Variants in RIMKLA observed in about 807,000 individuals in gnomAD.
RIMKLA encodes the protein ribosomal modification protein rimK like family member A, also known as N-acetylaspartylglutamate synthase A.
In RIMKLA, 14 loss-of-function variants were observed where a neutral mutation model predicts 32.7. The observed-to-expected ratio is 0.43, with a 90% CI of 0.28 to 0.67. The LOEUF (loss-of-function observed/expected upper bound fraction) is 0.67, where lower values mean the gene tolerates loss of function less well. Ranked by LOEUF, RIMKLA falls within the 30% of genes least tolerant of loss-of-function variation. RIMKLA has a pLI of 0.18. For missense variants in RIMKLA, 410 were observed against 519.0 expected, an observed-to-expected ratio of 0.79 and a Z score of 2.04; for synonymous variants, 176 against 204.1, an observed-to-expected ratio of 0.86 and a Z score of 1.18.
In RIMKLA at chr1:42,410,126, G is replaced by A. The variant is rs1205028996; in HGVS notation, c.624G>A (p.Gln208=). 1.2e-6 allele frequency: 2 copies of A among 1,614,098 alleles called. No homozygotes were observed. Among genetic ancestry groups the A allele is most frequent in the Non-Finnish European group, 1.7e-6 (2 of 1,180,046 alleles). ...TCCGGGTGGTGGTGGTAGGGGGCCA[G>A]GTCATAGGCTCTATGCTTCGCTGCT... The part of the protein sequence containing the change: ...KDIRVVVVGG[Q]VIGSMLRCST... The change falls in exon 4 of 5, where the codon CAG becomes CAA. Residue 208 remains glutamine (Q), a synonymous_variant. Transcript: ENST00000431473.
At chr1:42,402,207 C>T (rs534738726) in intron 2 of RIMKLA, among the ~76,000 whole-genome samples, 1 of 152,138 alleles carries the variant, frequency 6.6e-6, no homozygotes, top group South Asian at 2.1e-4. Context: ...TAATGCCACT[C>T]CCCCACCCTG....
In RIMKLA at chr1:42,399,512, T is replaced by TGC; in HGVS notation, c.273_274insCG (p.Glu92ArgfsTer16). 6.2e-7 allele frequency: 1 copy of TGC among 1,613,466 alleles called. No homozygotes were observed. The highest frequency in any genetic ancestry group is 8.5e-7 in the Non-Finnish European group (1 of 1,179,776). On this transcript the variant is annotated frameshift_variant, in exon 2 of 5. Coordinates refer to ENST00000431473, the MANE Select transcript of RIMKLA (RefSeq NM_173642.4). LOFTEE classifies it high-confidence loss of function. Reference sequence around the variant, plus strand: ...AGTGACATCACTGTCCTGCGACACCTGGAGAAGCTGGGCTGCCGGTTGGTC... The same window carrying TGC: ...AGTGACATCACTGTCCTGCGACACCTGCGGAGAAGCTGGGCTGCCGGTTGGTC...
intron 1 of RIMKLA, among the ~76,000 whole-genome samples, chr1:42,388,532 T>A (rs955919745): frequency 4.0e-5 from 6 of 150,458 alleles, no homozygotes; most frequent in Non-Finnish European, 7.4e-5. Flanking sequence ...TTTTTTTTTT[T>A]TTTTTGAGAT....
At chr1:42,394,401 G>A (rs898212815) in intron 1 of RIMKLA, among the ~76,000 whole-genome samples, 10 of 152,064 alleles carry the variant, frequency 6.6e-5, no homozygotes, top group Non-Finnish European at 1.3e-4. Context: ...ATTATGTATC[G>A]GCTTTGTGTA....
intron 1 of RIMKLA, among the ~76,000 whole-genome samples, chr1:42,397,468 A>G (rs1643057272): frequency 6.6e-6 from 1 of 152,352 alleles, no homozygotes; most frequent in Admixed American, 6.5e-5. Context: ...TATGCCTGTA[A>G]TCGCAGCACT....
intron 1 of RIMKLA, among the ~76,000 whole-genome samples, chr1:42,396,062 C>G (rs576036142): frequency 3.3e-5 from 5 of 151,824 alleles, no homozygotes; most frequent in African/African-American, 7.2e-5. Flanking sequence ...TGATGAAACC[C>G]TCTCTACTAA....
In RIMKLA at chr1:42,380,865, C is replaced by A; in HGVS notation, c.-70C>A. 5 of 1,102,160 alleles carry A rather than the reference C, an allele frequency of 4.5e-6. No homozygotes were observed. The highest frequency in any genetic ancestry group is 4.4e-5 in the South Asian group (1 of 22,574). The allele number at this position is 1,102,160 out of a possible 1,614,324, so 68.3% of individuals were successfully genotyped here. ...CCCGGACGCCGGCCGCCCCTCCGCT[C>A]GCCCTACTGAGCGAGCGGCCCGGGG... On this transcript the variant is annotated 5_prime_UTR_variant, in exon 1 of 5. Coordinates refer to ENST00000431473, the MANE Select transcript of RIMKLA (RefSeq NM_173642.4).
chr1:42,421,610 G>A lies in RIMKLA; in HGVS notation c.*6636G>A, dbSNP rs930563429. 6 of 152,228 alleles carry A rather than the reference G, an allele frequency of 3.9e-5. No homozygotes were observed. The highest frequency in any genetic ancestry group is 8.8e-5 in the Non-Finnish European group (6 of 68,120). 9.4% of individuals were successfully genotyped at this position (152,228 alleles called of 1,614,324 possible). On this transcript the variant is annotated 3_prime_UTR_variant, in exon 5 of 5. Coordinates refer to ENST00000431473, the MANE Select transcript of RIMKLA (RefSeq NM_173642.4). The surrounding 1 kb of genome is among the most constrained non-coding windows in gnomAD (Gnocchi z 4.6). Reference sequence around the variant, plus strand: ...TTAATCATTCTGCAGAGCTGATAACGGTCACTGTGGAGGCAGGACTAGGCG... The same window carrying A: ...TTAATCATTCTGCAGAGCTGATAACAGTCACTGTGGAGGCAGGACTAGGCG...
At chr1:42,386,504 A>G (rs114686502) in intron 1 of RIMKLA, among the ~76,000 whole-genome samples, 3,498 of 152,068 alleles carry the variant, frequency 0.023, 57 homozygotes, top group Non-Finnish European at 0.037. Flanking sequence ...TTTTTTGGTT[A>G]TAATTGGGTT....
intron 1 of RIMKLA, among the ~76,000 whole-genome samples, chr1:42,385,829 T>TTCC (rs1308213992): frequency 2.2e-4 from 16 of 72,888 alleles, no homozygotes; most frequent in Middle Eastern, 9.4e-3. Flanking sequence ...CCTTCCTTCC[T>TTCC]TTCTTTCTTT....
chr1:42,406,134 C>G (rs1001527633), intron 3 of RIMKLA, among the ~76,000 whole-genome samples: 1 of 152,290 alleles, frequency 6.6e-6, no homozygotes, highest in Admixed American at 6.5e-5. Flanking sequence ...ACAAAAGTTC[C>G]TGCCCTCGAG....
chr1:42,406,667 A>G (rs186496939), intron 3 of RIMKLA, among the ~76,000 whole-genome samples: 1 of 151,708 alleles, frequency 6.6e-6, no homozygotes, highest in East Asian at 1.9e-4. Flanking sequence ...TATCCTCACC[A>G]TCACTTGTTA....
At chr1:42,400,663 G>A (rs1246933445) in intron 2 of RIMKLA, among the ~76,000 whole-genome samples, 1 of 152,194 alleles carries the variant, frequency 6.6e-6, no homozygotes, top group Admixed American at 6.5e-5. Context: ...CTGATTTGTG[G>A]GTAGGGGGTG....
intron 1 of RIMKLA, among the ~76,000 whole-genome samples, chr1:42,399,120 G>A (rs935019499): frequency 6.6e-6 from 1 of 152,118 alleles, no homozygotes; most frequent in Admixed American, 6.6e-5. Flanking sequence ...TGTCCTATGG[G>A]AAGGAAGGTG....
rs1007603486 is a variant in RIMKLA at position 42,404,403 on chromosome 1, T to A, written c.395-108T>A. ...ATCAACTGGGTTTGAATGGCCTTAA[T>A]CAGAGAGAGATGAGGCCTCACAAGA... On this transcript the variant is annotated intron_variant, in intron 2 of 4. Transcript: ENST00000431473. The A allele has an allele frequency of 8.7e-5, 65 of 745,516 alleles. 1 individual carries two copies. The highest frequency in any genetic ancestry group is 1.2e-5 in the Non-Finnish European group (5 of 414,722). The allele number at this position is 745,516 out of a possible 1,614,324, so 46.2% of individuals were successfully genotyped here.
At chr1:42,394,787 A>G (rs1643028895) in intron 1 of RIMKLA, among the ~76,000 whole-genome samples, 1 of 151,030 alleles carries the variant, frequency 6.6e-6, no homozygotes, top group Admixed American at 6.6e-5. Flanking sequence ...CCCAGGCTGG[A>G]GTGCAATGAC....
intron 1 of RIMKLA, among the ~76,000 whole-genome samples, chr1:42,385,828 CTTTCTTTCTTTCTTTCTCTTTCT>C (rs1642935262): frequency 1.3e-5 from 1 of 78,836 alleles, no homozygotes; most frequent in Non-Finnish European, 2.8e-5. Context: ...TCCTTCCTTC[CTTTCTTTCTTTCTTTCTCTTTCT>C]TTCTTTCTTT....
intron 1 of RIMKLA, among the ~76,000 whole-genome samples, chr1:42,387,918 T>C (rs1642964326): frequency 6.6e-6 from 1 of 151,804 alleles, no homozygotes; most frequent in Non-Finnish European, 1.5e-5. Flanking sequence ...AGAGAGGGGA[T>C]TGCAATTTTA....
At chr1:42,406,645 C>G (rs997680487) in intron 3 of RIMKLA, among the ~76,000 whole-genome samples, 1 of 152,088 alleles carries the variant, frequency 6.6e-6, no homozygotes, top group Non-Finnish European at 1.5e-5. Flanking sequence ...TTTGAGGGTT[C>G]CAATTTCTCC....
Sources: allele counts gnomAD v4.1 joint callset (sites outside exome capture counted in the v4.1 genomes callset), GRCh38; gene constraint gnomAD v4.1.1; non-coding constraint Gnocchi (gnomAD v3.1); transcripts MANE v1.5; gene names NCBI Gene and HGNC (gene_info 2026-07-23, HGNC 2026-07-21).